Variants in POU6F2 observed in about 807,000 individuals in gnomAD.
POU6F2 encodes POU domain, class 6, transcription factor 2.
A neutral mutation model predicts 71.3 loss-of-function variants in POU6F2; 31 were observed. The ratio of observed to expected loss-of-function variants is 0.43; its 90% confidence interval spans 0.33 to 0.59. POU6F2 has a LOEUF of 0.59. Ranked by LOEUF, POU6F2 falls within the 20% of genes least tolerant of loss-of-function variation. POU6F2 has a pLI of 0.04. For synonymous variants in POU6F2, 347 were observed against 355.7 expected, an observed-to-expected ratio of 0.98 and a Z score of 0.27; for missense variants, 783 against 856.8, an observed-to-expected ratio of 0.91 and a Z score of 1.07.
chr7:39,368,743 A>G (rs190941328), intron 5 of POU6F2, among the ~76,000 whole-genome samples: 7 of 152,328 alleles, frequency 4.6e-5, no homozygotes, highest in Admixed American at 1.3e-4. Flanking sequence ...TACCATTCCT[A>G]GGGTAAAATC....
chr7:39,458,883 A>C (rs894773441), intron 8 of POU6F2, among the ~76,000 whole-genome samples: 1 of 152,112 alleles, frequency 6.6e-6, no homozygotes, highest in African/African-American at 2.4e-5. Flanking sequence ...TGACCAGACT[A>C]TATGGCTCCT....
chr7:39,356,722 G>A (rs1206804421), intron 5 of POU6F2, among the ~76,000 whole-genome samples: 2 of 152,136 alleles, frequency 1.3e-5, no homozygotes, highest in Admixed American at 6.5e-5. Flanking sequence ...CGAAGATAAC[G>A]ATGACTAATG....
At chr7:39,191,126 A>G (rs1793654909) in intron 2 of POU6F2, among the ~76,000 whole-genome samples, 1 of 152,314 alleles carries the variant, frequency 6.6e-6, no homozygotes, top group Middle Eastern at 3.4e-3. Context: ...TATTTTATTC[A>G]TTCTAAGATA....
intron 1 of POU6F2, chr7:39,083,774 AG>A (rs1276265973): frequency 6.6e-6 from 1 of 152,214 alleles, no homozygotes; most frequent in African/African-American, 2.4e-5. Flanking sequence ...TGGTGAGACA[AG>A]TCTAATTTCT....
rs1223436215 is a variant in POU6F2 at position 39,339,943 on chromosome 7, C to T, written c.900C>T (p.Ser300=). The change falls in exon 5 of 10, where the codon AGC becomes AGT. Residue 300 remains serine, a synonymous_variant. Coordinates refer to ENST00000518318, the MANE Select transcript of POU6F2 (RefSeq NM_001370959.1). ...CATCTCCAACCCAGCAGAGCTCCAG[C>T]CCCCCGCAGAAACCTAGTCAGTCTC... The part of the protein sequence containing the change: ...NQPSPTQQSS[S]PPQKPSQSPG... 1.2e-6 allele frequency: 2 copies of T among 1,613,776 alleles called. No homozygotes were observed. The highest frequency in any genetic ancestry group is 1.7e-6 in the Non-Finnish European group (2 of 1,179,858).
At chr7:39,449,282 T>A (rs1182256480) in intron 7 of POU6F2, among the ~76,000 whole-genome samples, 1 of 152,170 alleles carries the variant, frequency 6.6e-6, no homozygotes, top group Non-Finnish European at 1.5e-5. Context: ...TGCATAGGAA[T>A]GCCATGTGAG....
chr7:39,313,380 T>G (rs1785204024), intron 4 of POU6F2, among the ~76,000 whole-genome samples: 1 of 152,148 alleles, frequency 6.6e-6, no homozygotes, highest in South Asian at 2.1e-4. Flanking sequence ...TTCTCTTCTC[T>G]GCTTGATTTT....
intron 1 of POU6F2, among the ~76,000 whole-genome samples, chr7:39,001,671 A>G (rs73118493): frequency 1.1e-3 from 1 of 908 alleles, no homozygotes; most frequent in Non-Finnish European, 2.2e-3. Flanking sequence ...GGTGGTGGTG[A>G]TGGTGATGGT....
intron 2 of POU6F2, chr7:39,132,716 C>T (rs118014237): frequency 0.014 from 2,168 of 152,330 alleles, 30 homozygotes; most frequent in Middle Eastern, 0.041. Flanking sequence ...TAAAAGTAGC[C>T]TGAAGCCTTT....
chr7:39,307,883 A>G (rs1335870631), intron 4 of POU6F2, among the ~76,000 whole-genome samples: 1 of 151,944 alleles, frequency 6.6e-6, no homozygotes, highest in African/African-American at 2.4e-5. Flanking sequence ...TGAACCCAGG[A>G]GATGGAGGTT....
intron 8 of POU6F2, among the ~76,000 whole-genome samples, chr7:39,453,889 G>A (rs1407484499): frequency 6.6e-6 from 1 of 152,184 alleles, no homozygotes; most frequent in African/African-American, 2.4e-5. Flanking sequence ...ATGACACCAA[G>A]CTAGCTCCAC....
At chr7:39,395,331 C>T (rs1583571505) in intron 5 of POU6F2, among the ~76,000 whole-genome samples, 1 of 152,300 alleles carries the variant, frequency 6.6e-6, no homozygotes, top group South Asian at 2.1e-4. Context: ...CTCAACACCA[C>T]ACCTTTGATG....
intron 5 of POU6F2, among the ~76,000 whole-genome samples, chr7:39,342,443 C>A (rs1647874289): frequency 6.6e-6 from 1 of 152,150 alleles, no homozygotes; most frequent in South Asian, 2.1e-4. Context: ...GAATAAAGAT[C>A]AACTAAATTC....
At chr7:39,446,757 C>T (rs1009617937) in intron 7 of POU6F2, among the ~76,000 whole-genome samples, 6 of 152,194 alleles carry the variant, frequency 3.9e-5, no homozygotes, top group Non-Finnish European at 5.9e-5. Flanking sequence ...GATGGACATC[C>T]GGTCCTCCTC....
chr7:39,222,449 G>T (rs1224518672), intron 4 of POU6F2, among the ~76,000 whole-genome samples: 1 of 152,138 alleles, frequency 6.6e-6, no homozygotes, highest in African/African-American at 2.4e-5. Context: ...TAAGTGTACA[G>T]TTCTGTGGCA....
At chr7:39,373,881 GT>G (rs1030234512) in intron 5 of POU6F2, among the ~76,000 whole-genome samples, 52 of 151,806 alleles carry the variant, frequency 3.4e-4, no homozygotes, top group African/African-American at 1.2e-3. Flanking sequence ...CCAAAAAGAA[GT>G]TTTTTTTCAA....
intron 1 of POU6F2, among the ~76,000 whole-genome samples, chr7:39,027,635 T>C (rs1337417305): frequency 6.6e-6 from 1 of 152,228 alleles, no homozygotes; most frequent in Non-Finnish European, 1.5e-5. Flanking sequence ...TATTTTGGCA[T>C]GTGGGACAAT....
intron 8 of POU6F2, among the ~76,000 whole-genome samples, chr7:39,457,267 G>A (rs1176055017): frequency 1.3e-5 from 2 of 152,206 alleles, no homozygotes; most frequent in Non-Finnish European, 2.9e-5. Flanking sequence ...TGGGACTGGA[G>A]TAGACCATGG....
At chr7:39,053,141 A>G (rs572003493) in intron 1 of POU6F2, among the ~76,000 whole-genome samples, 1 of 152,282 alleles carries the variant, frequency 6.6e-6, no homozygotes, top group African/African-American at 2.4e-5. Flanking sequence ...CTTTAAGATG[A>G]TGGAAGAAGA....
Sources: gnomAD v4.1 joint callset for allele counts (sites outside exome capture counted in the v4.1 genomes callset) on GRCh38, gnomAD v4.1.1 for gene constraint, MANE v1.5 for transcripts, NCBI Gene and HGNC (gene_info 2026-07-23, HGNC 2026-07-21) for gene names.